The following NAALADL2 variants were observed in gnomAD, a reference collection of about 807,000 sequenced individuals.
The protein encoded by NAALADL2 is N-acetylated alpha-linked acidic dipeptidase like 2.
A neutral mutation model predicts 87.2 loss-of-function variants in NAALADL2; 76 were observed. That is an observed-to-expected ratio of 0.87 (90% CI 0.72 to 1.05). The LOEUF (loss-of-function observed/expected upper bound fraction) is 1.05. Among genes scored for constraint, NAALADL2 ranks in the 50% least tolerant of loss-of-function variants. NAALADL2 has a pLI of 0.00. For missense variants in NAALADL2, 1,089 were observed against 945.8 expected, an observed-to-expected ratio of 1.15 and a Z score of -1.99; for synonymous variants, 354 against 331.0, an observed-to-expected ratio of 1.07 and a Z score of -0.75.
At chr3:174,513,257 G>A (rs1248020279) in intron 1 of NAALADL2, among the ~76,000 whole-genome samples, 5 of 152,114 alleles carry the variant, frequency 3.3e-5, no homozygotes, top group Non-Finnish European at 5.9e-5. Context: ...TGTGGCGTGA[G>A]CCACCACACC....
At position 174,859,377 on chromosome 3, in the gene NAALADL2, T is replaced by C. The variant is rs757458875; in HGVS notation, c.-31T>C. On this transcript the variant is annotated 5_prime_UTR_variant, in exon 1 of 14. Coordinates refer to ENST00000454872, the MANE Select transcript of NAALADL2 (RefSeq NM_207015.3). ...CAGGGTAAGTGACACAACTTGAAAC[T>C]GCTTGGCCCTCTTTAAAAAGAAATA... 1.9e-6 allele frequency: 3 copies of C among 1,581,980 alleles called. 1 individual carries two copies. The South Asian group carries it at 3.4e-5, about 18-fold the overall frequency.
rs139899630 is a variant in NAALADL2 at position 174,486,396 on chromosome 3, C to T, written c.-184+45364C>T. ...AGCTCCATTAAAATGTATGGGGCCC[C>T]TCGATGGCTGGGTCCCCCTAGTGCT... On this transcript the variant is annotated intron_variant, in intron 1 of 3. Transcript: ENST00000434257. Among the ~76,000 whole-genome samples, 673 of 152,182 alleles carry T rather than the reference C, an allele frequency of 4.4e-3. 8 individuals are homozygous for T. Among genetic ancestry groups the T allele is most frequent in the Non-Finnish European group, 3.2e-3 (217 of 67,958 alleles).
At chr3:174,838,386 A>C (rs1343735642) in intron 3 of NAALADL2, among the ~76,000 whole-genome samples, 1 of 152,148 alleles carries the variant, frequency 6.6e-6, no homozygotes, top group Non-Finnish European at 1.5e-5. Flanking sequence ...CGGCCAACAT[A>C]ATACTGAATG....
intron 2 of NAALADL2, among the ~76,000 whole-genome samples, chr3:175,117,680 A>G (rs1241042588): frequency 6.6e-6 from 1 of 151,348 alleles, no homozygotes; most frequent in Non-Finnish European, 1.5e-5. Context: ...ACTGTAAACT[A>G]GTTCAACCAT....
intron 1 of NAALADL2, among the ~76,000 whole-genome samples, chr3:175,058,936 T>C (rs1559971721): frequency 6.6e-6 from 1 of 152,192 alleles, no homozygotes. Context: ...TCCTACCTAC[T>C]AGTCTTGACT....
At chr3:174,957,896 C>T (rs1241809428) in intron 1 of NAALADL2, among the ~76,000 whole-genome samples, 1 of 151,908 alleles carries the variant, frequency 6.6e-6, no homozygotes, top group African/African-American at 2.4e-5. Flanking sequence ...TTAATTCCTG[C>T]CTCAACTTGC....
intron 1 of NAALADL2, among the ~76,000 whole-genome samples, chr3:175,058,575 C>T (rs180795648): frequency 2.0e-4 from 30 of 152,058 alleles, no homozygotes; most frequent in Non-Finnish European, 3.1e-4. Flanking sequence ...AATGATAAGT[C>T]GGGGGGTGCA....
intron 9 of NAALADL2, among the ~76,000 whole-genome samples, chr3:175,555,436 A>G (rs1715102967): frequency 6.6e-6 from 1 of 152,170 alleles, no homozygotes; most frequent in Non-Finnish European, 1.5e-5. Context: ...AATTTGTGTT[A>G]ACGTCGTGAA....
chr3:174,600,629 T>TAA (rs1217639257), intron 2 of NAALADL2, among the ~76,000 whole-genome samples: 2 of 152,132 alleles, frequency 1.3e-5, no homozygotes, highest in East Asian at 3.8e-4. Context: ...GGGTAATTTA[T>TAA]AAAGGAAAGA....
intron 6 of NAALADL2, among the ~76,000 whole-genome samples, chr3:175,461,046 G>A (rs943397775): frequency 2.0e-5 from 3 of 152,146 alleles, no homozygotes; most frequent in Admixed American, 6.5e-5. Flanking sequence ...CCATTTTGCA[G>A]AGTGCTGATT....
chr3:175,127,644 A>T (rs533534168), intron 2 of NAALADL2, among the ~76,000 whole-genome samples: 2 of 141,324 alleles, frequency 1.4e-5, no homozygotes, highest in African/African-American at 5.4e-5. Flanking sequence ...AGTACTCTTT[A>T]CATTATTATA....
chr3:175,703,957 G>T (rs924394052), intron 11 of NAALADL2, among the ~76,000 whole-genome samples: 1 of 152,074 alleles, frequency 6.6e-6, no homozygotes, highest in African/African-American at 2.4e-5. Context: ...GGAAGTTCAG[G>T]TCCAGCCCTT....
rs1027122032 is a variant in NAALADL2, at chr3:175,737,368, T to C, written c.1959T>C (p.Asp653=). ...NEPVLPFNAL[D]IALEVQNNLK... ...CTGTTCTGCCCTTTAATGCACTTGA[T>C]ATAGCTTTAGAAGTTCAAAACAACC... The change falls in exon 12 of 14, where the codon GAT becomes GAC. Residue 653 remains aspartate, a synonymous_variant. Transcript: ENST00000454872. 6.2e-7 allele frequency: 1 copy of C among 1,609,570 alleles called. No individual in the cohort carries two copies. The highest frequency in any genetic ancestry group is 8.5e-7 in the Non-Finnish European group (1 of 1,176,146).
chr3:175,662,980 A>T (rs1732467359), intron 11 of NAALADL2, among the ~76,000 whole-genome samples: 1 of 151,178 alleles, frequency 6.6e-6, no homozygotes, highest in South Asian at 2.1e-4. Context: ...TTTTGGTTGT[A>T]TCTTTTTCTG....
intron 3 of NAALADL2, among the ~76,000 whole-genome samples, chr3:174,775,672 G>A (rs930019081): frequency 7.9e-5 from 12 of 151,926 alleles, no homozygotes; most frequent in Non-Finnish European, 1.5e-4. Flanking sequence ...TCTCCCCACA[G>A]GGTCCTCCAG....
At chr3:174,717,301 TA>T (rs1731278608) in intron 2 of NAALADL2, among the ~76,000 whole-genome samples, 1 of 152,116 alleles carries the variant, frequency 6.6e-6, no homozygotes, top group Non-Finnish European at 1.5e-5. Context: ...TTGAAGGAAG[TA>T]ATTAATTCAG....
chr3:175,678,571 T>G (rs945951492), intron 11 of NAALADL2, among the ~76,000 whole-genome samples: 4 of 152,084 alleles, frequency 2.6e-5, no homozygotes, highest in Middle Eastern at 3.2e-3. Flanking sequence ...CATGTCCTTT[T>G]TAGGGACATG....
intron 2 of NAALADL2, among the ~76,000 whole-genome samples, chr3:175,101,793 C>T (rs1490375013): frequency 8.0e-5 from 12 of 150,016 alleles, no homozygotes; most frequent in Non-Finnish European, 1.3e-4. Context: ...GCTGTCGATG[C>T]TGTGAAATGG....
At chr3:174,945,339 T>A (rs1739252958) in intron 1 of NAALADL2, among the ~76,000 whole-genome samples, 2 of 152,192 alleles carry the variant, frequency 1.3e-5, no homozygotes, top group Admixed American at 1.3e-4. Context: ...GGATGATAAC[T>A]GGAGAAGCAA....
Sources: allele counts gnomAD v4.1 joint callset (sites outside exome capture counted in the v4.1 genomes callset), GRCh38; gene constraint gnomAD v4.1.1; transcripts MANE v1.5; gene names NCBI Gene and HGNC (gene_info 2026-07-23, HGNC 2026-07-21).